Variants in RALYL observed in about 807,000 individuals in gnomAD.
The protein encoded by RALYL is RALY RNA binding protein like.
In RALYL, 29 loss-of-function variants were observed where a neutral mutation model predicts 35.1. The observed-to-expected ratio is 0.83, with a 90% confidence interval of 0.61 to 1.13. The LOEUF (loss-of-function observed/expected upper bound fraction) is 1.13, where lower values mean the gene tolerates loss of function less well. Among genes scored for constraint, RALYL ranks in the 50% most tolerant of loss-of-function variants. RALYL has a pLI of 0.00. For missense variants in RALYL, 359 were observed against 360.4 expected, an observed-to-expected ratio of 1.00 and a Z score of 0.03; for synonymous variants, 120 against 127.6, an observed-to-expected ratio of 0.94 and a Z score of 0.40.
chr8:84,204,880 G>A (rs889581782), intron 1 of RALYL, among the ~76,000 whole-genome samples: 2 of 152,108 alleles, frequency 1.3e-5, no homozygotes, highest in African/African-American at 2.4e-5. Context: ...GGCATACAAA[G>A]TATGTGTATT....
At chr8:84,486,382 A>G (rs2054631777) in intron 1 of RALYL, among the ~76,000 whole-genome samples, 1 of 151,472 alleles carries the variant, frequency 6.6e-6, no homozygotes, top group Non-Finnish European at 1.5e-5. Context: ...TTTGAAAAAA[A>G]GGAAGCTTGT....
intron 8 of RALYL, among the ~76,000 whole-genome samples, chr8:84,913,089 T>TAGATAGATAGATACAC (rs1208050682): frequency 1.3e-5 from 2 of 151,536 alleles, no homozygotes; most frequent in Non-Finnish European, 2.9e-5. Flanking sequence ...GATAGATAGA[T>TAGATAGATAGATACAC]ACACATATAC....
intron 2 of RALYL, among the ~76,000 whole-genome samples, chr8:84,604,598 AT>A (rs574144450): frequency 3.9e-4 from 60 of 152,270 alleles, no homozygotes; most frequent in African/African-American, 1.3e-3. Flanking sequence ...TTCTGTAAAC[AT>A]ATCAGAAATA....
At chr8:84,823,298 T>C in intron 4 of RALYL, among the ~76,000 whole-genome samples, 1 of 152,064 alleles carries the variant, frequency 6.6e-6, no homozygotes, top group East Asian at 1.9e-4. Context: ...ACAAAACAAA[T>C]AATTTGGTGT....
At chr8:84,568,463 G>T (rs1215984809) in intron 2 of RALYL, among the ~76,000 whole-genome samples, 2 of 150,184 alleles carry the variant, frequency 1.3e-5, no homozygotes, top group African/African-American at 4.9e-5. Flanking sequence ...TGGACATTTG[G>T]GTTGGTTCCA....
rs183062778 is a variant in RALYL at position 84,683,337 on chromosome 8, T to C, written c.257-91242T>C. ...TATTCTGTTGATTTGGGGTGGAGAG[T>C]TCTGTAGATGTCTATTAGGTCTGCT... On this transcript the variant is annotated intron_variant, in intron 2 of 8. Coordinates refer to ENST00000521268, the MANE Select transcript of RALYL (RefSeq NM_173848.7). 5.4e-3 allele frequency among the ~76,000 whole-genome samples: 817 copies of C among 152,078 alleles called. 1 individual carries two copies. Among genetic ancestry groups the C allele is most frequent in the Non-Finnish European group, 0.01 (682 of 67,994 alleles).
At chr8:84,587,276 T>G (rs923147785) in intron 2 of RALYL, among the ~76,000 whole-genome samples, 1 of 152,238 alleles carries the variant, frequency 6.6e-6, no homozygotes, top group African/African-American at 2.4e-5. Flanking sequence ...GAGTAAGTCC[T>G]AGAGAATTAT....
At chr8:84,321,992 T>G (rs1439649231) in intron 1 of RALYL, among the ~76,000 whole-genome samples, 1 of 152,024 alleles carries the variant, frequency 6.6e-6, no homozygotes, top group Non-Finnish European at 1.5e-5. Flanking sequence ...TAAACATGCA[T>G]GTACCTAACA....
At chr8:84,725,325 T>C (rs1049654748) in intron 2 of RALYL, among the ~76,000 whole-genome samples, 6 of 151,746 alleles carry the variant, frequency 4.0e-5, no homozygotes, top group Admixed American at 1.3e-4. Flanking sequence ...TATTTCTTTT[T>C]CCATTACTAT....
At chr8:84,576,574 T>C (rs1360632285) in intron 2 of RALYL, among the ~76,000 whole-genome samples, 1 of 152,128 alleles carries the variant, frequency 6.6e-6, no homozygotes, top group Middle Eastern at 3.2e-3. Flanking sequence ...TCTCCAGAAG[T>C]AGACAGTTTA....
intron 2 of RALYL, among the ~76,000 whole-genome samples, chr8:84,549,131 T>C (rs949987129): frequency 1.3e-5 from 2 of 152,176 alleles, no homozygotes; most frequent in Non-Finnish European, 2.9e-5. Context: ...AGCTATGCTA[T>C]GTAGACCTTG....
chr8:84,411,120 A>C (rs192532112), intron 1 of RALYL, among the ~76,000 whole-genome samples: 208 of 152,070 alleles, frequency 1.4e-3, no homozygotes, highest in African/African-American at 4.5e-3. Flanking sequence ...TTTTCTCAAA[A>C]ATATATCTTT....
chr8:84,628,648 C>T (rs893290175), intron 2 of RALYL, among the ~76,000 whole-genome samples: 16 of 151,662 alleles, frequency 1.1e-4, no homozygotes, highest in African/African-American at 2.2e-4. Context: ...TGAGAAATAT[C>T]GGGGGATAGA....
chr8:84,334,527 A>T (rs1847408446), intron 1 of RALYL, among the ~76,000 whole-genome samples: 1 of 151,232 alleles, frequency 6.6e-6, no homozygotes, highest in Admixed American at 6.6e-5. Context: ...TATATAATTA[A>T]ATAATTACAT....
intron 3 of RALYL, among the ~76,000 whole-genome samples, chr8:84,775,517 T>G (rs1015700963): frequency 2.0e-5 from 3 of 152,174 alleles, no homozygotes; most frequent in African/African-American, 7.2e-5. Context: ...GTTTCTCTCA[T>G]GACCATTTTT....
chr8:84,414,192 C>T (rs2044383884), intron 1 of RALYL, among the ~76,000 whole-genome samples: 1 of 152,078 alleles, frequency 6.6e-6, no homozygotes, highest in East Asian at 1.9e-4. Flanking sequence ...TTCATGAAAA[C>T]CATTTTCATA....
intron 3 of RALYL, among the ~76,000 whole-genome samples, chr8:84,799,833 G>C (rs192341598): frequency 2.0e-5 from 3 of 152,292 alleles, no homozygotes; most frequent in African/African-American, 7.2e-5. Context: ...GCAGGCACCT[G>C]TAGTCCCAGC....
intron 1 of RALYL, among the ~76,000 whole-genome samples, chr8:84,469,813 C>T (rs752792544): frequency 3.9e-4 from 60 of 151,934 alleles, no homozygotes; most frequent in Admixed American, 5.9e-4. Flanking sequence ...TAGGACCCTC[C>T]GAGCCAGGTG....
chr8:84,641,875 C>G (rs1244055535), intron 2 of RALYL, among the ~76,000 whole-genome samples: 16 of 150,724 alleles, frequency 1.1e-4, no homozygotes, highest in Admixed American at 1.1e-3. Flanking sequence ...AACATTGATA[C>G]CTTAAACATT....
Sources: gnomAD v4.1 joint callset for allele counts (sites outside exome capture counted in the v4.1 genomes callset) on GRCh38, gnomAD v4.1.1 for gene constraint, MANE v1.5 for transcripts, NCBI Gene and HGNC (gene_info 2026-07-23, HGNC 2026-07-21) for gene names.